The following BRCA1 variants were observed in gnomAD, a reference collection of about 807,000 sequenced individuals.
The protein encoded by BRCA1 is BRCA1 DNA repair associated.
BRCA1 carries 140 observed loss-of-function variants against 173.7 expected under a neutral mutation model. The observed-to-expected ratio is 0.81, with a 90% CI of 0.70 to 0.93. The LOEUF is 0.93. Among genes scored for constraint, BRCA1 ranks in the 40% least tolerant of loss-of-function variants. The pLI is 0.00. For missense variants in BRCA1, 1,983 were observed against 2,172.5 expected (o/e 0.91, Z 1.73); for synonymous variants, 662 against 756.0 (o/e 0.88, Z 2.04).
intron 2 of BRCA1, among the ~76,000 whole-genome samples, chr17:43,123,363 T>C (rs965767611): frequency 1.4e-5 from 2 of 147,714 alleles, no homozygotes; most frequent in African/African-American, 5.1e-5. Context: ...TTTTTTTTTT[T>C]TTTTTTTTTT....
At chr17:43,119,141 TG>T (rs1224788044) in intron 2 of BRCA1, 1 of 215,412 alleles carries the variant, frequency 4.6e-6, no homozygotes, top group African/African-American at 2.3e-5. Context: ...GACAAGAATG[TG>T]GTTTTTTCCT....
chr17:43,092,107 C>G lies in BRCA1; in HGVS notation c.3424G>C (p.Ala1142Pro), dbSNP rs80357101. The change falls in exon 10 of 23, where the codon GCA becomes CCA. Residue 1142 changes from alanine to proline, a missense_variant. Transcript: ENST00000357654. Reference protein sequence around the residue: ...NLEQPMGSSHASQVCSETPDD... With the variant: ...NLEQPMGSSHPSQVCSETPDD... ...GGTGTCTCAGAACAAACCTGAGATGCATGACTACTTCCCATAGGCTGTTCT... is the reference window on the plus strand; with the variant it reads ...GGTGTCTCAGAACAAACCTGAGATGGATGACTACTTCCCATAGGCTGTTCT... The G allele has an allele frequency of 6.2e-7, 1 of 1,613,984 alleles. No individual in the cohort carries two copies. The highest frequency in any genetic ancestry group is 8.5e-7 in the Non-Finnish European group (1 of 1,179,988).
chr17:43,124,900 C>T, intron 1 of BRCA1: 1 of 316,452 alleles, frequency 3.2e-6, no homozygotes, highest in Non-Finnish European at 6.3e-6. Flanking sequence ...GGAGCGGCAC[C>T]ACGCCCGGCT....
In BRCA1 at chr17:43,110,292, T is replaced by C. The variant is rs113127132; in HGVS notation, c.135-3759A>G. Among the ~76,000 whole-genome samples the C allele has an allele frequency of 5.3e-3, 806 of 152,198 alleles. 11 individuals carry two copies. The highest frequency in any genetic ancestry group is 0.016 in the African/African-American group (657 of 41,530). On this transcript the variant is annotated intron_variant, in intron 3 of 22. Coordinates refer to ENST00000357654, the MANE Select transcript of BRCA1 (RefSeq NM_007294.4). ...TGTATATGACTTGAAAAGACAGAGC[T>C]AACTAAAATACTGGCCAGGCATGAT...
rs1269442560 is a variant in BRCA1, at chr17:43,139,010, A to G, written c.-19-14895T>C. On this transcript the variant is annotated intron_variant, in intron 1 of 7. Transcript: ENST00000634433. ...CTCCAATGAAAAGCACTAATTGCCT[A>G]TATACAACCCCTTTTTGTTTGAAAT... is the stretch of plus-strand genomic sequence containing the variant. 7.8e-6 allele frequency: 6 copies of G among 772,774 alleles called. No homozygotes were observed. In the African/African-American group the frequency reaches 1.0e-4, roughly 13 times the overall value. 47.9% of individuals were successfully genotyped at this position (772,774 alleles called of 1,614,324 possible).
Position 43,100,645 on chromosome 17 carries a change from A to G in BRCA1, c.442-765T>C, listed in dbSNP as rs1338118781. 4.0e-5 allele frequency among the ~76,000 whole-genome samples: 2 copies of G among 49,608 alleles called. 1 individual carries two copies. Among genetic ancestry groups the G allele is most frequent in the Middle Eastern group, 0.014 (2 of 138 alleles). The allele number at this position is 49,608 out of a possible 152,430, so 32.5% of individuals were successfully genotyped here. On this transcript the variant is annotated intron_variant, in intron 6 of 22. Coordinates refer to ENST00000357654, the MANE Select transcript of BRCA1 (RefSeq NM_007294.4). ...CATATATATATGTTATATATATATA[A>G]CATATATATAACATATATATATATA... is the stretch of plus-strand genomic sequence containing the variant.
At position 43,088,665 on chromosome 17, in the gene BRCA1, T is replaced by C. The variant is rs571152998; in HGVS notation, c.4185+2279A>G. 7.2e-5 allele frequency among the ~76,000 whole-genome samples: 11 copies of C among 152,308 alleles called. No homozygotes were observed. In the East Asian group the frequency reaches 2.1e-3, roughly 29 times the overall value. On this transcript the variant is annotated intron_variant, in intron 11 of 22. Transcript: ENST00000357654. Reference sequence around the variant, plus strand: ...CAGAAAGTTCATAAAAAAACATCATTCACTTACTAGCAGCTAAAAGGGTAT... The same window carrying C: ...CAGAAAGTTCATAAAAAAACATCATCCACTTACTAGCAGCTAAAAGGGTAT...
At chr17:43,085,871 C>G (rs1028208843) in intron 11 of BRCA1, among the ~76,000 whole-genome samples, 44 of 152,166 alleles carry the variant, frequency 2.9e-4, no homozygotes, top group African/African-American at 1.0e-3. Flanking sequence ...TCCCATAAAA[C>G]ATGTGTATTT....
chr17:43,069,833 T>C (rs2153777932), intron 15 of BRCA1, among the ~76,000 whole-genome samples: 1 of 152,316 alleles, frequency 6.6e-6, no homozygotes. Flanking sequence ...CAGAATGACT[T>C]GGTCATCTCT....
chr17:43,069,840 C>T (rs940341687), intron 15 of BRCA1, among the ~76,000 whole-genome samples: 1 of 152,174 alleles, frequency 6.6e-6, no homozygotes, highest in Non-Finnish European at 1.5e-5. Flanking sequence ...ACTTGGTCAT[C>T]TCTCAGTGTG....
At chr17:43,157,931 G>A (rs2056208157) in intron 1 of BRCA1, among the ~76,000 whole-genome samples, 1 of 151,626 alleles carries the variant, frequency 6.6e-6, no homozygotes, top group African/African-American at 2.4e-5. Context: ...AAGAGGTGGA[G>A]GTTGTGGTGA....
chr17:43,124,745 GTTTTT>G lies in BRCA1; in HGVS notation c.-20+521_-20+525del, dbSNP rs770929332. ...CATCCTCTCATACATACCAGCCGGT[GTTTTT>G]TGTTTTGTTTTGTTTTGTTTTGTTT... On this transcript the variant is annotated intron_variant, in intron 1 of 22. Coordinates refer to ENST00000357654, the MANE Select transcript of BRCA1 (RefSeq NM_007294.4). 2.5e-3 allele frequency: 508 copies of G among 202,482 alleles called. 2 individuals are homozygous for G. The highest frequency in any genetic ancestry group is 4.4e-3 in the Non-Finnish European group (433 of 97,924). 12.5% of individuals were successfully genotyped at this position (202,482 alleles called of 1,614,324 possible).
At chr17:43,089,981 T>C (rs971097828) in intron 11 of BRCA1, among the ~76,000 whole-genome samples, 2 of 150,556 alleles carry the variant, frequency 1.3e-5, no homozygotes, top group Admixed American at 1.3e-4. Flanking sequence ...CATTCCAGCC[T>C]GGGTAACAGA....
intron 2 of BRCA1, among the ~76,000 whole-genome samples, chr17:43,121,381 A>C (rs1417689865): frequency 6.6e-6 from 1 of 151,608 alleles, no homozygotes; most frequent in African/African-American, 2.4e-5. Context: ...TCTCAAAAAA[A>C]CAAAACAAAA....
chr17:43,091,243 C>A, intron 10 of BRCA1, 192 bp downstream of exon 10: 1 of 874,832 alleles, frequency 1.1e-6, no homozygotes, highest in South Asian at 1.5e-5. Context: ...CTCATTCAGT[C>A]AAAGATGACG....
At chr17:43,170,207 G>A (rs529171784) in exon 1 of BRCA1, 12 of 190,958 alleles carry the variant, frequency 6.3e-5, no homozygotes, top group Non-Finnish European at 1.2e-4. Context: ...CGAGGAAAGG[G>A]GTTCCACAGT....
intron 1 of BRCA1, chr17:43,145,229 G>A (rs1324134457): frequency 2.9e-6 from 2 of 699,028 alleles, no homozygotes; most frequent in Non-Finnish European, 5.5e-6. Flanking sequence ...CTCTGATGAA[G>A]CAGGAGATAA....
Position 43,099,656 on chromosome 17 carries a change from A to T in BRCA1, c.547+119T>A, listed in dbSNP as rs2054283873. On this transcript the variant is annotated intron_variant, in intron 7 of 22. Coordinates refer to ENST00000357654, the MANE Select transcript of BRCA1 (RefSeq NM_007294.4). ...TTATAACTCACCATAGGGCTCATAA[A>T]ATTCACTTCCCAAAGCTGCCTACCA... The T allele has an allele frequency of 4.9e-6, 4 of 816,700 alleles. No individual in the cohort carries two copies. The South Asian group carries it at 5.6e-5, about 11-fold the overall frequency. 50.6% of individuals were successfully genotyped at this position (816,700 alleles called of 1,614,324 possible).
At chr17:43,118,637 A>G (rs2055405899) in intron 2 of BRCA1, among the ~76,000 whole-genome samples, 1 of 152,066 alleles carries the variant, frequency 6.6e-6, no homozygotes, top group Non-Finnish European at 1.5e-5. Flanking sequence ...GGATCTCACT[A>G]TGATGCCCAT....
Sources: allele counts gnomAD v4.1 joint callset (sites outside exome capture counted in the v4.1 genomes callset), GRCh38; gene constraint gnomAD v4.1.1; transcripts MANE v1.5; gene names NCBI Gene and HGNC (gene_info 2026-07-23, HGNC 2026-07-21).